The following WWTR1 variants were observed in gnomAD, a reference collection of about 807,000 sequenced individuals.
The protein encoded by WWTR1 is WW domain-containing transcription regulator protein 1.
In WWTR1, 13 loss-of-function variants were observed where a neutral mutation model predicts 40.1. The observed-to-expected ratio is 0.32, with a 90% CI of 0.21 to 0.52. The LOEUF is 0.52. Among genes scored for constraint, WWTR1 ranks in the 20% least tolerant of loss-of-function variants. The pLI, the probability that WWTR1 is intolerant of heterozygous loss-of-function variation, is 0.97. For missense variants in WWTR1, 436 were observed against 523.1 expected (o/e 0.83, Z 1.63); for synonymous variants, 230 against 210.1 (o/e 1.09, Z -0.82).
intron 2 of WWTR1, among the ~76,000 whole-genome samples, chr3:149,594,338 C>T (rs954424232): frequency 6.6e-6 from 1 of 151,676 alleles, no homozygotes; most frequent in African/African-American, 2.4e-5. Context: ...TTTTCTATGT[C>T]GATTTTTTTT....
intron 2 of WWTR1, among the ~76,000 whole-genome samples, chr3:149,574,329 C>T (rs1474112642): frequency 1.3e-5 from 2 of 152,126 alleles, no homozygotes; most frequent in African/African-American, 4.8e-5. Context: ...CACAAGCCAC[C>T]GCACCCAGCC....
At chr3:149,535,014 G>A (rs10446281) in intron 4 of WWTR1, among the ~76,000 whole-genome samples, 126,391 of 152,090 alleles carry the variant, frequency 0.83, 52,626 homozygotes, top group East Asian at 0.93. Flanking sequence ...GAAAGTAAAC[G>A]GCAGCTGAAA....
intron 2 of WWTR1, among the ~76,000 whole-genome samples, chr3:149,665,183 C>A (rs1713759484): frequency 6.6e-6 from 1 of 151,346 alleles, no homozygotes; most frequent in African/African-American, 2.4e-5. Flanking sequence ...TTGCTCATTG[C>A]ACCATGATCT....
intron 1 of WWTR1, among the ~76,000 whole-genome samples, chr3:149,679,539 A>AGTCCAGCTAGAT (rs1274641211): frequency 6.6e-6 from 1 of 152,176 alleles, no homozygotes; most frequent in Non-Finnish European, 1.5e-5. Context: ...TGATCCTAGC[A>AGTCCAGCTAGAT]CAGTATAGAT....
At chr3:149,633,845 C>G (rs1561026) in intron 2 of WWTR1, among the ~76,000 whole-genome samples, 94,883 of 151,904 alleles carry the variant, frequency 0.62, 30,556 homozygotes, top group Middle Eastern at 0.76. Flanking sequence ...AAGTGAGGCT[C>G]GATGAGCAGG....
intron 3 of WWTR1, among the ~76,000 whole-genome samples, chr3:149,553,320 C>T (rs1034880303): frequency 4.6e-5 from 7 of 152,144 alleles, no homozygotes; most frequent in Admixed American, 1.3e-4. Context: ...TCAAAATATA[C>T]GTGATAAGTT....
At chr3:149,721,403 T>C (rs556590050) in intron 4 of WWTR1, among the ~76,000 whole-genome samples, 25 of 152,186 alleles carry the variant, frequency 1.6e-4, no homozygotes, top group Non-Finnish European at 2.8e-4. Flanking sequence ...GTGTATTACA[T>C]TGATCAGTTT....
chr3:149,706,954 C>A (rs967738293), upstream of WWTR1, among the ~76,000 whole-genome samples: 8 of 152,144 alleles, frequency 5.3e-5, no homozygotes, highest in African/African-American at 1.9e-4. Context: ...GTTGGTCTGA[C>A]AGCCATTTTT....
intron 3 of WWTR1, among the ~76,000 whole-genome samples, chr3:149,568,202 A>C (rs1370375797): frequency 6.6e-6 from 1 of 152,056 alleles, no homozygotes. Flanking sequence ...CCTGGCCAAC[A>C]TGGTGAAACC....
intron 2 of WWTR1, chr3:149,576,162 G>A: frequency 4.4e-6 from 2 of 453,634 alleles, no homozygotes; most frequent in Non-Finnish European, 8.9e-6. Context: ...GACATCAGCT[G>A]TAAGGCTGCG....
At chr3:149,698,015 C>A (rs140674682) in intron 1 of WWTR1, among the ~76,000 whole-genome samples, 143 of 152,336 alleles carry the variant, frequency 9.4e-4, no homozygotes, top group African/African-American at 3.2e-3. Flanking sequence ...CCTTGAGCAG[C>A]CTTGCCCACA....
At chr3:149,645,724 C>T (rs997956025) in intron 2 of WWTR1, among the ~76,000 whole-genome samples, 4 of 152,164 alleles carry the variant, frequency 2.6e-5, no homozygotes, top group African/African-American at 9.7e-5. Context: ...CTAAGAAGTG[C>T]TTTGCAAGTG....
intron 1 of WWTR1, among the ~76,000 whole-genome samples, chr3:149,684,536 T>A (rs1714567397): frequency 6.6e-6 from 1 of 151,952 alleles, no homozygotes; most frequent in South Asian, 2.1e-4. Context: ...ATCCTTCTGA[T>A]AGGTCTGTCT....
chr3:149,600,346 A>G (rs1560078901), intron 2 of WWTR1, among the ~76,000 whole-genome samples: 1 of 152,206 alleles, frequency 6.6e-6, no homozygotes, highest in Non-Finnish European at 1.5e-5. Flanking sequence ...AATTGAGTTA[A>G]TATATGTAAA....
chr3:149,570,349 G>T (rs565527272), intron 3 of WWTR1, among the ~76,000 whole-genome samples: 2 of 152,034 alleles, frequency 1.3e-5, no homozygotes, highest in South Asian at 4.1e-4. Context: ...CAAGCGGATC[G>T]CCAGGGGTCA....
intron 3 of WWTR1, among the ~76,000 whole-genome samples, chr3:149,557,840 T>C (rs147413992): frequency 0.038 from 5,703 of 151,720 alleles, 244 homozygotes; most frequent in East Asian, 0.15. Flanking sequence ...CCATCTCTAC[T>C]AAAAATACAA....
At chr3:149,605,365 T>A (rs908400170) in intron 2 of WWTR1, among the ~76,000 whole-genome samples, 19 of 151,668 alleles carry the variant, frequency 1.3e-4, no homozygotes, top group African/African-American at 4.6e-4. Flanking sequence ...TCTAGTGTAG[T>A]GACCTACACT....
At chr3:149,673,824 C>T (rs1397794637) in intron 1 of WWTR1, among the ~76,000 whole-genome samples, 1 of 152,034 alleles carries the variant, frequency 6.6e-6, no homozygotes, top group Non-Finnish European at 1.5e-5. Flanking sequence ...TTTCCCCCTC[C>T]CCTATTCCCC....
At chr3:149,642,774 CAAAA>C (rs1208125999) in intron 2 of WWTR1, among the ~76,000 whole-genome samples, 1 of 62,180 alleles carries the variant, frequency 1.6e-5, no homozygotes. Context: ...GACTCCGTCT[CAAAA>C]AAAAAAAAAA....
Sources: gnomAD v4.1 joint callset for allele counts (sites outside exome capture counted in the v4.1 genomes callset) on GRCh38, gnomAD v4.1.1 for gene constraint, MANE v1.5 for transcripts, NCBI Gene and HGNC (gene_info 2026-07-23, HGNC 2026-07-21) for gene names.